The following ATM variants were observed in gnomAD, a reference collection of about 807,000 sequenced individuals.
ATM encodes serine-protein kinase ATM.
A neutral mutation model predicts 387.0 loss-of-function variants in ATM; 308 were observed. The observed-to-expected ratio is 0.80, with a 90% CI of 0.73 to 0.87. The LOEUF is 0.87. Ranked by LOEUF, ATM falls within the 40% of genes least tolerant of loss-of-function variation. The pLI, the probability that ATM is intolerant of heterozygous loss-of-function variation, is 0.00. For synonymous variants in ATM, 1,156 were observed against 1,187.3 expected (o/e 0.97, Z 0.54); for missense variants, 3,312 against 3,560.9 (o/e 0.93, Z 1.78).
chr11:108,249,927 C>G (rs1365398371), intron 9 of ATM, among the ~76,000 whole-genome samples: 1 of 152,012 alleles, frequency 6.6e-6, no homozygotes, highest in Admixed American at 6.6e-5. Context: ...CTGTTATGGG[C>G]TAAGCGTTAG....
At chr11:108,354,266 A>G (rs571473698) in intron 60 of ATM, among the ~76,000 whole-genome samples, 1 of 152,286 alleles carries the variant, frequency 6.6e-6, no homozygotes, top group South Asian at 2.1e-4. Flanking sequence ...TGTTATTCCA[A>G]ACCTCCTCTG....
At chr11:108,235,090 A>G (rs1250591284) in intron 4 of ATM, among the ~76,000 whole-genome samples, 1 of 152,122 alleles carries the variant, frequency 6.6e-6, no homozygotes, top group East Asian at 1.9e-4. Flanking sequence ...TGAGGTCAGG[A>G]GTTCAAGACC....
At chr11:108,239,574 C>G (rs1305015318) in intron 5 of ATM, among the ~76,000 whole-genome samples, 1 of 152,174 alleles carries the variant, frequency 6.6e-6, no homozygotes, top group East Asian at 1.9e-4. Context: ...TTTCTACCTT[C>G]TGATTATTGT....
At chr11:108,271,644 A>G (rs1200986635) in intron 20 of ATM, among the ~76,000 whole-genome samples, 1 of 152,230 alleles carries the variant, frequency 6.6e-6, no homozygotes, top group African/African-American at 2.4e-5. Context: ...TGAATCACTT[A>G]ATAATTTGAC....
At chr11:108,237,715 G>C (rs2079348591) in intron 5 of ATM, among the ~76,000 whole-genome samples, 1 of 152,044 alleles carries the variant, frequency 6.6e-6, no homozygotes, top group Non-Finnish European at 1.5e-5. Context: ...GAGAAGAATG[G>C]CCTAAGATTG....
chr11:108,283,327 G>GAAACTTAATGT (rs2082330830), intron 25 of ATM, among the ~76,000 whole-genome samples: 1 of 152,108 alleles, frequency 6.6e-6, no homozygotes, highest in Non-Finnish European at 1.5e-5. Context: ...ATTAGATTTA[G>GAAACTTAATGT]AAACTTAATG....
intron 61 of ATM, chr11:108,356,220 T>C (rs1327112543): frequency 1.3e-5 from 2 of 152,106 alleles, no homozygotes; most frequent in East Asian, 1.9e-4. Flanking sequence ...TCTAAAGTTA[T>C]ATTATCTTGC....
At chr11:108,275,454 T>G (rs929884487) in intron 22 of ATM, among the ~76,000 whole-genome samples, 2 of 152,228 alleles carry the variant, frequency 1.3e-5, no homozygotes, top group Non-Finnish European at 2.9e-5. Context: ...TTCTTCATAG[T>G]GTCAATGGTC....
rs1555105718 is a variant in ATM at position 108,301,726 on chromosome 11, T to C, written c.5256T>C (p.Ile1752=). The change falls in exon 35 of 63, where the codon ATT becomes ATC. Residue 1752 remains isoleucine, a synonymous_variant. Transcript: ENST00000675843. ...ATKTGHSFWE[I]YKMTTDPMLA... ...AGACTGGACATAGTTTCTGGGAGAT[T>C]TATAAGATGACAACAGATCCAATGC... is the stretch of plus-strand genomic sequence containing the variant. 1.9e-6 allele frequency: 3 copies of C among 1,613,728 alleles called. No individual in the cohort carries two copies. Among genetic ancestry groups the C allele is most frequent in the Non-Finnish European group, 1.7e-6 (2 of 1,179,784 alleles).
intron 16 of ATM, among the ~76,000 whole-genome samples, chr11:108,259,494 A>C (rs2080731153): frequency 6.6e-6 from 1 of 152,214 alleles, no homozygotes; most frequent in African/African-American, 2.4e-5. Context: ...TCAAAAATAA[A>C]AAAATTTAAA....
intron 16 of ATM, 32 bp from the exon 17 acceptor site, chr11:108,267,139 A>G: frequency 6.2e-7 from 1 of 1,610,154 alleles, no homozygotes; most frequent in Non-Finnish European, 8.5e-7. Flanking sequence ...GCAAGAAGCC[A>G]TCTTGAACAT....
intron 33 of ATM, among the ~76,000 whole-genome samples, chr11:108,297,902 T>A (rs2083211308): frequency 6.6e-6 from 1 of 152,188 alleles, no homozygotes; most frequent in Admixed American, 6.5e-5. Context: ...TGAAAATGCC[T>A]TGTAAATATT....
intron 42 of ATM, 69 bp from the exon 43 acceptor site, chr11:108,317,304 G>A (rs2084761527): frequency 1.3e-6 from 2 of 1,516,976 alleles, no homozygotes; most frequent in Non-Finnish European, 1.8e-6. Context: ...TATCTTTGCT[G>A]TTTTTTTCTC....
Position 108,332,898 on chromosome 11 carries a change from G to GA in ATM, c.7927dup (p.Gly2644ArgfsTer12). 1 of 1,611,930 alleles carries GA rather than the reference G, an allele frequency of 6.2e-7. No homozygotes were observed. The highest frequency in any genetic ancestry group is 8.5e-7 in the Non-Finnish European group (1 of 1,179,526). On this transcript the variant is annotated frameshift_variant and splice_region_variant, in exon 53 of 63. Transcript: ENST00000675843. LOFTEE classifies it high-confidence loss of function. ...GATGCCACTCAGTGGAAGACTCAGA[G>GA]AAGTATGTTTTTTTTAAAGAAGAAA...
chr11:108,297,608 A>G lies in ATM; in HGVS notation c.5005+226A>G, dbSNP rs4988019. Among the ~76,000 whole-genome samples, 240 of 152,328 alleles carry G rather than the reference A, an allele frequency of 1.6e-3. 1 individual carries two copies. Among genetic ancestry groups the G allele is most frequent in the Middle Eastern group, 3.4e-3 (1 of 294 alleles). On this transcript the variant is annotated intron_variant, in intron 33 of 62. Transcript: ENST00000675843. Reference sequence around the variant, plus strand: ...CAATGACAGAATTGCCCAATGACACATTTCTCAGAACATATCTGTGTCATT... The same window carrying G: ...CAATGACAGAATTGCCCAATGACACGTTTCTCAGAACATATCTGTGTCATT...
Position 108,341,028 on chromosome 11 carries a change from CAT to C in ATM, c.8269-2193_8269-2192del, listed in dbSNP as rs147546913. Among the ~76,000 whole-genome samples the C allele has an allele frequency of 8.0e-3, 1,225 of 152,226 alleles. 23 individuals carry two copies. The highest frequency in any genetic ancestry group is 0.028 in the African/African-American group (1,151 of 41,526). On this transcript the variant is annotated intron_variant, in intron 56 of 62. Transcript: ENST00000675843. The stretch of plus-strand genomic sequence containing the variant: ...TTCCATTTTCCTGTTCAGAACCCCA[CAT>C]GAGTTCACATTATCCCTGAATGACA...
At chr11:108,258,838 A>G (rs2080679016) in intron 15 of ATM, 148 bp from the exon 16 acceptor site, 3 of 664,990 alleles carry the variant, frequency 4.5e-6, no homozygotes, top group Non-Finnish European at 2.7e-6. Flanking sequence ...TAACTCTAAG[A>G]AAAGATGTGT....
At chr11:108,335,349 TA>T in intron 55 of ATM, 1 of 1,258,972 alleles carries the variant, frequency 7.9e-7, no homozygotes, top group Non-Finnish European at 1.1e-6. Flanking sequence ...CATTAACATG[TA>T]CAGACATGTA....
At chr11:108,321,893 A>G (rs1298443210) in intron 45 of ATM, among the ~76,000 whole-genome samples, 2 of 152,190 alleles carry the variant, frequency 1.3e-5, no homozygotes, top group Non-Finnish European at 2.9e-5. Flanking sequence ...AACATTTTCC[A>G]AAATAGTCAT....
Sources: allele counts gnomAD v4.1 joint callset (sites outside exome capture counted in the v4.1 genomes callset), GRCh38; gene constraint gnomAD v4.1.1; transcripts MANE v1.5; gene names NCBI Gene and HGNC (gene_info 2026-07-23, HGNC 2026-07-21).